BCAS4: variants seen among roughly 807,000 people sequenced by gnomAD.
BCAS4 encodes breast carcinoma-amplified sequence 4.
Under a neutral mutation model 15.7 loss-of-function variants are expected in BCAS4, and 9 were observed. The observed-to-expected ratio is 0.57, with a 90% confidence interval of 0.34 to 1.00. BCAS4 has a LOEUF of 1.00. Among genes scored for constraint, BCAS4 ranks in the 50% least tolerant of loss-of-function variants. The probability of loss-of-function intolerance (pLI) is 0.02; values close to 1 mark genes in which losing one functional copy is unlikely to be tolerated. For missense variants in BCAS4, 225 were observed against 239.1 expected (o/e 0.94, Z 0.39); for synonymous variants, 101 against 99.5 (o/e 1.02, Z -0.09).
downstream of BCAS4, chr20:50,877,584 C>G (rs141320052): frequency 6.6e-6 from 1 of 152,388 alleles, no homozygotes; most frequent in Non-Finnish European, 1.5e-5. Flanking sequence ...TCTGCCTGGG[C>G]AAGGTGACTC....
intron 3 of BCAS4, chr20:50,840,990 C>T (rs563998946): frequency 2.7e-5 from 12 of 448,926 alleles, no homozygotes; most frequent in African/African-American, 4.0e-5. Context: ...CCACCATGTC[C>T]GGCTACTTTT....
chr20:50,862,918 C>T (rs570449998), intron 4 of BCAS4, among the ~76,000 whole-genome samples: 3 of 152,290 alleles, frequency 2.0e-5, no homozygotes, highest in African/African-American at 7.2e-5. Flanking sequence ...CAGCTCACTG[C>T]AACTTCTACC....
intron 1 of BCAS4, among the ~76,000 whole-genome samples, 199 bp downstream of exon 1, chr20:50,795,372 C>T (rs1307735207): frequency 1.3e-5 from 2 of 152,164 alleles, no homozygotes; most frequent in Admixed American, 1.3e-4. Flanking sequence ...CGGGCGACAC[C>T]GGGCCCCGGA....
At chr20:50,881,178 T>A (rs1270776702), downstream of BCAS4, 1 of 152,278 alleles carries the variant, frequency 6.6e-6, no homozygotes, top group Non-Finnish European at 1.5e-5. Flanking sequence ...TGCAGTGAGC[T>A]GAGATTGTGC....
chr20:50,803,428 CAGG>C (rs1042935013), intron 1 of BCAS4, among the ~76,000 whole-genome samples: 7 of 152,102 alleles, frequency 4.6e-5, no homozygotes, highest in African/African-American at 1.7e-4. Context: ...CATCTATAAA[CAGG>C]AGATTCAATT....
intron 4 of BCAS4, among the ~76,000 whole-genome samples, chr20:50,875,612 A>G (rs1390703966): frequency 9.5e-4 from 144 of 150,990 alleles, no homozygotes; most frequent in African/African-American, 3.3e-3. Flanking sequence ...TAAAAAAAAA[A>G]AAAAAAAAAA....
intron 3 of BCAS4, among the ~76,000 whole-genome samples, chr20:50,836,808 A>G (rs943509335): frequency 6.6e-6 from 1 of 152,098 alleles, no homozygotes; most frequent in African/African-American, 2.4e-5. Flanking sequence ...CCTGGCCTCA[A>G]CCGATCCTCT....
chr20:50,844,130 A>G (rs1436915171), intron 4 of BCAS4, among the ~76,000 whole-genome samples: 1 of 152,034 alleles, frequency 6.6e-6, no homozygotes, highest in East Asian at 1.9e-4. Flanking sequence ...CCTAGGTAAC[A>G]GAGTGAGGCC....
chr20:50,797,823 G>A (rs1370008475), intron 1 of BCAS4, among the ~76,000 whole-genome samples: 4 of 151,716 alleles, frequency 2.6e-5, no homozygotes, highest in Non-Finnish European at 4.4e-5. Context: ...GCGCCACCAC[G>A]CCCAGCGAAT....
chr20:50,803,190 A>G (rs1242758126), intron 1 of BCAS4, among the ~76,000 whole-genome samples: 3 of 152,206 alleles, frequency 2.0e-5, no homozygotes, highest in Non-Finnish European at 4.4e-5. Context: ...CAAAAACAAA[A>G]CACGTTCCCA....
At chr20:50,848,699 T>G (rs950432069) in intron 4 of BCAS4, among the ~76,000 whole-genome samples, 1 of 152,250 alleles carries the variant, frequency 6.6e-6, no homozygotes, top group Non-Finnish European at 1.5e-5. Context: ...GTCTTAGGAC[T>G]TGAACACCAG....
chr20:50,859,659 C>A (rs1244057902), intron 4 of BCAS4, among the ~76,000 whole-genome samples: 1 of 152,076 alleles, frequency 6.6e-6, no homozygotes, highest in Non-Finnish European at 1.5e-5. Context: ...AGGGAAGATG[C>A]CAGGTGTGCG....
At chr20:50,874,136 TCA>T (rs1329621871) in intron 4 of BCAS4, among the ~76,000 whole-genome samples, 1 of 152,050 alleles carries the variant, frequency 6.6e-6, no homozygotes, top group Non-Finnish European at 1.5e-5. Flanking sequence ...GCAGACCTCA[TCA>T]CACACACAGC....
chr20:50,869,674 C>G (rs144226517), intron 4 of BCAS4, among the ~76,000 whole-genome samples: 46 of 148,200 alleles, frequency 3.1e-4, no homozygotes, highest in African/African-American at 9.9e-4. Context: ...TGTTCCTGTT[C>G]TATTTGGGAG....
chr20:50,869,075 T>C (rs999219506), intron 4 of BCAS4, among the ~76,000 whole-genome samples: 2 of 152,252 alleles, frequency 1.3e-5, no homozygotes, highest in African/African-American at 4.8e-5. Flanking sequence ...TCAGCGAAGC[T>C]GATGGCGTTA....
intron 4 of BCAS4, among the ~76,000 whole-genome samples, chr20:50,857,532 A>G (rs1404048553): frequency 6.6e-6 from 1 of 152,202 alleles, no homozygotes; most frequent in African/African-American, 2.4e-5. Context: ...AGAGGCACAG[A>G]GAGGTTAGTA....
Position 50,858,861 on chromosome 20 carries a change from G to C in BCAS4, c.399+16961G>C, listed in dbSNP as rs567806150. On this transcript the variant is annotated intron_variant, in intron 4 of 4. Transcript: ENST00000371608. ...ACCACCTCAGCCTCCTGAGTAGCTG[G>C]GACTACAGGGATGTGCCACCACGCC... Among the ~76,000 whole-genome samples the C allele has an allele frequency of 6.2e-4, 94 of 150,686 alleles. 1 individual carries two copies. In the South Asian group the frequency reaches 0.016, roughly 26 times the overall value.
chr20:50,850,704 TG>T (rs1191404918), intron 4 of BCAS4, among the ~76,000 whole-genome samples: 1 of 152,114 alleles, frequency 6.6e-6, no homozygotes, highest in Non-Finnish European at 1.5e-5. Context: ...GAGGTTTGAG[TG>T]GGCCCCTGAG....
rs570075944 is a variant in BCAS4 at position 50,840,498 on chromosome 20, A to C, written c.265-1268A>C. On this transcript the variant is annotated intron_variant, in intron 3 of 4. Transcript: ENST00000371608. ...TTCTTTGATGTGAAAGGGGCAGCAC[A>C]GTCATTTAAACTTGATCCAACCTCT... 6.4e-5 allele frequency: 76 copies of C among 1,187,612 alleles called. 1 individual carries two copies. The South Asian group carries it at 9.1e-4, about 14-fold the overall frequency. 73.6% of individuals were successfully genotyped at this position (1,187,612 alleles called of 1,614,324 possible).
Sources: gnomAD v4.1 joint callset for allele counts (sites outside exome capture counted in the v4.1 genomes callset) on GRCh38, gnomAD v4.1.1 for gene constraint, MANE v1.5 for transcripts, NCBI Gene and HGNC (gene_info 2026-07-23, HGNC 2026-07-21) for gene names.